Variants in NDST4 observed in about 807,000 individuals in gnomAD.
NDST4 encodes N-deacetylase and N-sulfotransferase 4, also known as N-heparan sulfate sulfotransferase 4.
Under a neutral mutation model 100.8 loss-of-function variants are expected in NDST4, and 63 were observed. That is an observed-to-expected ratio of 0.62 (90% CI 0.51 to 0.77). The LOEUF (loss-of-function observed/expected upper bound fraction) is 0.77. Among genes scored for constraint, NDST4 ranks in the 30% least tolerant of loss-of-function variants. The pLI, the probability that NDST4 is intolerant of heterozygous loss-of-function variation, is 0.00. For synonymous variants in NDST4, 377 were observed against 361.8 expected, an observed-to-expected ratio of 1.04 and a Z score of -0.48; for missense variants, 943 against 1,018.4, an observed-to-expected ratio of 0.93 and a Z score of 1.01.
At chr4:114,986,830 A>ATTT (rs1221108713) in intron 2 of NDST4, among the ~76,000 whole-genome samples, 9 of 91,960 alleles carry the variant, frequency 9.8e-5, no homozygotes, top group African/African-American at 3.4e-4. Context: ...ATATATATAT[A>ATTT]TATTTTAATA....
At chr4:115,010,108 C>T (rs1458539250) in intron 2 of NDST4, among the ~76,000 whole-genome samples, 1 of 125,038 alleles carries the variant, frequency 8.0e-6, no homozygotes, top group Non-Finnish European at 1.7e-5. Context: ...CTAGTTCGAC[C>T]ATTGTGGAAG....
At chr4:115,032,825 G>A (rs550825964) in intron 2 of NDST4, among the ~76,000 whole-genome samples, 2 of 151,976 alleles carry the variant, frequency 1.3e-5, no homozygotes, top group Non-Finnish European at 2.9e-5. Flanking sequence ...GTTGGAAGAT[G>A]ACTAATGATG....
chr4:115,005,417 T>C (rs922206865), intron 2 of NDST4, among the ~76,000 whole-genome samples: 2 of 152,032 alleles, frequency 1.3e-5, no homozygotes, highest in African/African-American at 2.4e-5. Flanking sequence ...GAGAAGGAGA[T>C]AGTGAGCCAT....
chr4:114,889,407 C>T (rs1724546124), intron 6 of NDST4, among the ~76,000 whole-genome samples: 1 of 152,090 alleles, frequency 6.6e-6, no homozygotes, highest in South Asian at 2.1e-4. Flanking sequence ...GGAGAGTAGA[C>T]TGAAGATGAC....
intron 2 of NDST4, among the ~76,000 whole-genome samples, chr4:115,021,223 T>C (rs1400109256): frequency 8.1e-6 from 1 of 123,400 alleles, no homozygotes; most frequent in Non-Finnish European, 1.6e-5. Context: ...TATATATATA[T>C]TCCACATATA....
intron 7 of NDST4, among the ~76,000 whole-genome samples, chr4:114,859,092 A>C (rs1578347927): frequency 6.6e-6 from 1 of 152,320 alleles, no homozygotes; most frequent in East Asian, 1.9e-4. Context: ...CCACTGCCTG[A>C]TAAGTGCTAG....
intron 6 of NDST4, among the ~76,000 whole-genome samples, chr4:114,917,811 C>T (rs1231836333): frequency 6.6e-6 from 1 of 152,100 alleles, no homozygotes; most frequent in Admixed American, 6.6e-5. Flanking sequence ...TGAATAGTTT[C>T]CTCATCCAAA....
At chr4:114,975,796 T>C (rs1267014395) in intron 3 of NDST4, among the ~76,000 whole-genome samples, 4 of 152,132 alleles carry the variant, frequency 2.6e-5, no homozygotes, top group African/African-American at 7.2e-5. Flanking sequence ...TGAGTAGATA[T>C]AGCCTTTAAA....
chr4:114,978,070 C>T (rs17047534), intron 2 of NDST4, among the ~76,000 whole-genome samples: 4,271 of 152,014 alleles, frequency 0.028, 140 homozygotes, highest in African/African-American at 0.072. Flanking sequence ...AATTCAGAAC[C>T]CTTATATCCT....
At chr4:114,926,818 A>T (rs1725395803) in intron 6 of NDST4, among the ~76,000 whole-genome samples, 2 of 152,152 alleles carry the variant, frequency 1.3e-5, no homozygotes. Flanking sequence ...TCCTTTAGGC[A>T]GATGAATTCC....
intron 2 of NDST4, among the ~76,000 whole-genome samples, chr4:115,051,118 T>C (rs141914412): frequency 0.018 from 2,790 of 152,188 alleles, 91 homozygotes; most frequent in African/African-American, 0.063. Flanking sequence ...TATTTACTTT[T>C]TTCCATGCCA....
At chr4:115,048,625 T>C (rs924163399) in intron 2 of NDST4, among the ~76,000 whole-genome samples, 1 of 144,124 alleles carries the variant, frequency 6.9e-6, no homozygotes, top group African/African-American at 2.6e-5. Context: ...AAATTTTGAT[T>C]TGCATTTCTC....
At chr4:114,848,645 T>C (rs550483837) in intron 8 of NDST4, among the ~76,000 whole-genome samples, 12 of 152,148 alleles carry the variant, frequency 7.9e-5, no homozygotes, top group Non-Finnish European at 1.5e-4. Flanking sequence ...AGGAGTCAGG[T>C]GAGTGGCTAA....
intron 1 of NDST4, among the ~76,000 whole-genome samples, chr4:115,099,194 G>A (rs1041820700): frequency 6.6e-6 from 1 of 152,082 alleles, no homozygotes; most frequent in Admixed American, 6.6e-5. Context: ...TTATTGAAAT[G>A]TAAATGTAAA....
intron 2 of NDST4, among the ~76,000 whole-genome samples, chr4:115,051,095 T>C (rs1386677556): frequency 2.0e-5 from 3 of 152,084 alleles, no homozygotes; most frequent in Non-Finnish European, 4.4e-5. Flanking sequence ...AGAAATTGCT[T>C]ACTACCTTTC....
chr4:115,058,101 G>A (rs986239114), intron 2 of NDST4, among the ~76,000 whole-genome samples: 1 of 152,032 alleles, frequency 6.6e-6, no homozygotes, highest in African/African-American at 2.4e-5. Context: ...AAAACATCCA[G>A]AAAGTATTTA....
At chr4:114,869,419 G>A (rs967338550) in intron 7 of NDST4, among the ~76,000 whole-genome samples, 2 of 151,964 alleles carry the variant, frequency 1.3e-5, no homozygotes, top group Non-Finnish European at 2.9e-5. Flanking sequence ...TGTGACAAAA[G>A]AATTGATTTA....
intron 1 of NDST4, among the ~76,000 whole-genome samples, chr4:115,102,135 T>C (rs765123961): frequency 1.3e-5 from 2 of 152,204 alleles, no homozygotes; most frequent in Non-Finnish European, 2.9e-5. Flanking sequence ...GATAATTGCT[T>C]TGTTTTAGCT....
chr4:114,923,292 T>G (rs1725325158), intron 6 of NDST4, among the ~76,000 whole-genome samples: 1 of 152,102 alleles, frequency 6.6e-6, no homozygotes, highest in Non-Finnish European at 1.5e-5. Flanking sequence ...TATCTAACTC[T>G]GAGGAATAAC....
Sources: allele counts gnomAD v4.1 joint callset (sites outside exome capture counted in the v4.1 genomes callset), GRCh38; gene constraint gnomAD v4.1.1; transcripts MANE v1.5; gene names NCBI Gene and HGNC (gene_info 2026-07-23, HGNC 2026-07-21).